The following CDH18 variants were observed in gnomAD, a reference collection of about 807,000 sequenced individuals.
CDH18 encodes the protein cadherin-18.
CDH18 carries 31 observed loss-of-function variants against 67.9 expected under a neutral mutation model. The ratio of observed to expected loss-of-function variants is 0.46; its 90% CI spans 0.34 to 0.62. The LOEUF is 0.62. Among genes scored for constraint, CDH18 ranks in the 20% least tolerant of loss-of-function variants. The pLI, the probability that CDH18 is intolerant of heterozygous loss-of-function variation, is 0.01. For missense variants in CDH18, 890 were observed against 975.5 expected (o/e 0.91, Z 1.17); for synonymous variants, 362 against 347.2 (o/e 1.04, Z -0.48).
chr5:19,605,248 A>G (rs1747847213), intron 6 of CDH18, among the ~76,000 whole-genome samples: 2 of 151,844 alleles, frequency 1.3e-5, no homozygotes, highest in Non-Finnish European at 2.9e-5. Context: ...AGAAGAATGT[A>G]ATACTATTAT....
chr5:20,339,808 C>T (rs1229815476), intron 1 of CDH18, among the ~76,000 whole-genome samples: 1 of 152,142 alleles, frequency 6.6e-6, no homozygotes, highest in Admixed American at 6.5e-5. Flanking sequence ...CAGAACTTAA[C>T]CAAAGTATTT....
rs1753533847 is a variant in CDH18 at position 19,638,744 on chromosome 5, C to A, written c.644-26143G>T. 2.6e-5 allele frequency among the ~76,000 whole-genome samples: 4 copies of A among 151,300 alleles called. No individual in the cohort carries two copies. The South Asian group carries it at 8.3e-4, about 32-fold the overall frequency. On this transcript the variant is annotated intron_variant, in intron 5 of 12. Transcript: ENST00000382275. ...GAGTTCAGTTAAAAAGCTGCAGCAA[C>A]ACAGTAAAGAAAAAAGACTAATTAT... is the stretch of plus-strand genomic sequence containing the variant.
intron 1 of CDH18, among the ~76,000 whole-genome samples, chr5:20,368,980 T>C (rs1486926268): frequency 1.3e-5 from 2 of 152,198 alleles, no homozygotes; most frequent in Non-Finnish European, 2.9e-5. Context: ...TTTGCTTTCT[T>C]TTTCTCATTA....
chr5:19,895,415 T>A (rs571797791), intron 2 of CDH18, among the ~76,000 whole-genome samples: 1 of 152,298 alleles, frequency 6.6e-6, no homozygotes, highest in East Asian at 1.9e-4. Context: ...GCTGTAAGAC[T>A]GTGAGTCTTA....
chr5:19,631,813 G>A lies in CDH18; in HGVS notation c.644-19212C>T, dbSNP rs1000493751. 3.4e-3 allele frequency among the ~76,000 whole-genome samples: 521 copies of A among 152,174 alleles called. 1 individual carries two copies. The highest frequency in any genetic ancestry group is 0.012 in the African/African-American group (500 of 41,530). On this transcript the variant is annotated intron_variant, in intron 5 of 12. Transcript: ENST00000382275. ...TATCTATTTCCTTTATTATTTGGAA[G>A]GATTTCTGTCTCTTTTACTTGGCAA...
intron 3 of CDH18, among the ~76,000 whole-genome samples, chr5:19,764,798 TAA>T (rs1772862391): frequency 6.6e-6 from 1 of 152,146 alleles, no homozygotes; most frequent in Non-Finnish European, 1.5e-5. Context: ...GTCAGTATAT[TAA>T]GAGTCAACAG....
chr5:19,813,171 A>G (rs1005555635), intron 3 of CDH18, among the ~76,000 whole-genome samples: 3 of 152,142 alleles, frequency 2.0e-5, no homozygotes, highest in African/African-American at 7.2e-5. Context: ...TGATAGCATT[A>G]GGAGAAATAT....
At chr5:20,152,216 T>C (rs1443043153) in intron 2 of CDH18, among the ~76,000 whole-genome samples, 1 of 145,452 alleles carries the variant, frequency 6.9e-6, no homozygotes, top group Non-Finnish European at 1.5e-5. Context: ...ATAATATAGA[T>C]ATAATTATAT....
intron 1 of CDH18, among the ~76,000 whole-genome samples, chr5:20,274,587 T>C (rs10941684): frequency 0.12 from 17,773 of 152,104 alleles, 1,569 homozygotes; most frequent in African/African-American, 0.24. Context: ...AGTTATAAAC[T>C]TTATGTGTAG....
chr5:20,252,736 G>A (rs2126602498), intron 2 of CDH18, among the ~76,000 whole-genome samples: 1 of 152,090 alleles, frequency 6.6e-6, no homozygotes, highest in East Asian at 1.9e-4. Flanking sequence ...AGGAGATGGA[G>A]ACCACCCTGG....
At chr5:20,056,297 C>T (rs1321969669) in intron 2 of CDH18, among the ~76,000 whole-genome samples, 7 of 148,384 alleles carry the variant, frequency 4.7e-5, no homozygotes, top group East Asian at 2.0e-4. Context: ...AGCCACCACA[C>T]GCAGCCAAGT....
At chr5:19,896,376 T>C (rs1175548007) in intron 2 of CDH18, among the ~76,000 whole-genome samples, 4 of 151,844 alleles carry the variant, frequency 2.6e-5, no homozygotes, top group Non-Finnish European at 5.9e-5. Flanking sequence ...ATAAATAAAA[T>C]AAAGAGCTTA....
chr5:20,228,888 C>T (rs1741846094), intron 2 of CDH18, among the ~76,000 whole-genome samples: 1 of 152,068 alleles, frequency 6.6e-6, no homozygotes. Flanking sequence ...CTCTTCTTGA[C>T]AGCAACAGAA....
At chr5:20,156,583 CA>C (rs1751550258) in intron 2 of CDH18, among the ~76,000 whole-genome samples, 1 of 151,946 alleles carries the variant, frequency 6.6e-6, no homozygotes, top group African/African-American at 2.4e-5. Context: ...GAAGGTGGGG[CA>C]GGGGGAGAGA....
chr5:19,773,689 G>A (rs1773978616), intron 3 of CDH18, among the ~76,000 whole-genome samples: 1 of 152,132 alleles, frequency 6.6e-6, no homozygotes, highest in Non-Finnish European at 1.5e-5. Flanking sequence ...AAATGTAAGT[G>A]AGAGTTTAAA....
At chr5:19,634,527 G>A (rs957060035) in intron 5 of CDH18, among the ~76,000 whole-genome samples, 4 of 152,138 alleles carry the variant, frequency 2.6e-5, no homozygotes, top group Non-Finnish European at 4.4e-5. Flanking sequence ...ACTGCCTAGA[G>A]AAGCACAAGT....
intron 1 of CDH18, among the ~76,000 whole-genome samples, chr5:20,369,348 C>T (rs77055268): frequency 0.011 from 1,739 of 152,198 alleles, 37 homozygotes; most frequent in African/African-American, 0.04. Context: ...CTAATTGCAA[C>T]CTGCAAAAAG....
intron 2 of CDH18, among the ~76,000 whole-genome samples, chr5:19,921,532 A>G (rs1792478076): frequency 6.7e-6 from 1 of 148,326 alleles, no homozygotes; most frequent in Admixed American, 6.8e-5. Context: ...CTCCGTCTCA[A>G]AAAAAAAAAA....
intron 1 of CDH18, among the ~76,000 whole-genome samples, chr5:20,274,075 C>G (rs1580639263): frequency 6.6e-6 from 1 of 152,172 alleles, no homozygotes; most frequent in Non-Finnish European, 1.5e-5. Flanking sequence ...ATGTCTCTAA[C>G]AAGCCAAGGA....
Sources: gnomAD v4.1 joint callset for allele counts (sites outside exome capture counted in the v4.1 genomes callset) on GRCh38, gnomAD v4.1.1 for gene constraint, MANE v1.5 for transcripts, NCBI Gene and HGNC (gene_info 2026-07-23, HGNC 2026-07-21) for gene names.